The following MMP21 variants were observed in gnomAD, a reference collection of about 807,000 sequenced individuals.
MMP21 encodes matrix metallopeptidase 21, also known as matrix metalloproteinase-21.
A neutral mutation model predicts 47.8 loss-of-function variants in MMP21; 40 were observed. The observed-to-expected ratio is 0.84, with a 90% CI of 0.65 to 1.09. MMP21 has a LOEUF of 1.09. Ranked by LOEUF, MMP21 falls within the 50% of genes least tolerant of loss-of-function variation. The pLI, the probability that MMP21 is intolerant of heterozygous loss-of-function variation, is 0.00. For missense variants in MMP21, 747 were observed against 775.3 expected (o/e 0.96, Z 0.43); for synonymous variants, 341 against 318.0 (o/e 1.07, Z -0.77).
chr10:125,771,054 G>A (rs1429323781), intron 4 of MMP21, among the ~76,000 whole-genome samples: 2 of 151,986 alleles, frequency 1.3e-5, no homozygotes, highest in Non-Finnish European at 2.9e-5. Flanking sequence ...ACAGATTGAG[G>A]TGGTGCGCAG....
At chr10:125,767,497 A>G (rs770602322) in intron 6 of MMP21, 35 bp downstream of exon 6, 1 of 1,590,500 alleles carries the variant, frequency 6.3e-7, no homozygotes, top group Non-Finnish European at 8.6e-7. Context: ...TAGGGATGAC[A>G]GAAGCATTGC....
chr10:125,770,400 T>G lies in MMP21; in HGVS notation c.1171A>C (p.Thr391Pro). 6.2e-7 allele frequency: 1 copy of G among 1,614,226 alleles called. No homozygotes were observed. Among genetic ancestry groups the G allele is most frequent in the South Asian group, 1.1e-5 (1 of 91,084 alleles). ...TGAACAAAGGCATCTATGTTGTGTG[T>G]TGGGATTCCAGGCCAGCCAGTGAGG... ...QILTGWPGIP[T>P]HNIDAFVHIW... Residue 391 changes from threonine (T) to proline (P), a missense_variant, in exon 5 of 7, where the codon ACA (threonine) becomes CCA (proline). Thr to Pro is a conservative substitution (Grantham distance 38). Transcript: ENST00000368808.
chr10:125,775,596 C>CG, intron 1 of MMP21, 64 bp downstream of exon 1: 1 of 1,499,500 alleles, frequency 6.7e-7, no homozygotes, highest in Non-Finnish European at 8.9e-7. Context: ...TGCGCGCGTG[C>CG]GCATGTGCCT....
Position 125,773,285 on chromosome 10 carries a change from G to A in MMP21, c.698-535C>T, listed in dbSNP as rs1850474828. On this transcript the variant is annotated intron_variant, in intron 2 of 6. Coordinates refer to ENST00000368808, the MANE Select transcript of MMP21 (RefSeq NM_147191.1). The surrounding 1 kb of genome is among the most constrained non-coding windows in gnomAD (Gnocchi z 4.8). ...TGCCCTCACCCACTCTCCATTCTGG[G>A]TGCCTTTTTGTGGGTATCCCAGATC... Among the ~76,000 whole-genome samples, 1 of 151,954 alleles carries A rather than the reference G, an allele frequency of 6.6e-6. No individual in the cohort carries two copies. The highest frequency in any genetic ancestry group is 1.5e-5 in the Non-Finnish European group (1 of 67,984).
intron 1 of MMP21, among the ~76,000 whole-genome samples, 156 bp from the exon 2 acceptor site, chr10:125,774,521 TAGA>T (rs1444842958): frequency 1.3e-5 from 2 of 151,800 alleles, no homozygotes; most frequent in African/African-American, 4.8e-5. Context: ...GAGATAGCAA[TAGA>T]AACAGGAAGA....
chr10:125,770,711 A>T, intron 4 of MMP21, 120 bp from the exon 5 acceptor site: 1 of 1,124,618 alleles, frequency 8.9e-7, no homozygotes. Flanking sequence ...AACACCTTAA[A>T]GCAAGACACC....
At chr10:125,769,267 T>C (rs930607741) in intron 5 of MMP21, among the ~76,000 whole-genome samples, 1 of 152,182 alleles carries the variant, frequency 6.6e-6, no homozygotes, top group East Asian at 1.9e-4. Flanking sequence ...GTGTTCCCCA[T>C]GACCCCCCAG....
At chr10:125,771,207 A>C (rs1483090769) in intron 4 of MMP21, among the ~76,000 whole-genome samples, 1 of 152,112 alleles carries the variant, frequency 6.6e-6, no homozygotes, top group African/African-American at 2.4e-5. Flanking sequence ...CCCTAAATAT[A>C]GCTACTGAAT....
At chr10:125,775,045 G>C (rs746901898) in intron 1 of MMP21, among the ~76,000 whole-genome samples, 10 of 152,200 alleles carry the variant, frequency 6.6e-5, no homozygotes, top group Non-Finnish European at 1.2e-4. Flanking sequence ...GTGGGAGCTG[G>C]GGATTGGACT....
Position 125,770,481 on chromosome 10 carries a change from A to G in MMP21, c.1090T>C (p.Tyr364His). The change falls in exon 5 of 7, where the codon TAC (tyrosine) becomes CAC (histidine). Residue 364 changes from tyrosine (Y) to histidine (H), a missense_variant. Coordinates refer to ENST00000368808, the MANE Select transcript of MMP21 (RefSeq NM_147191.1). The part of the protein sequence containing the change: ...FSTYFFRNSW[Y>H]WLYENRNNRT... ...TTGTTTCGATTTTCATAAAGCCAGT[A>G]CCAGCTGTTACGGAAGAAATATGTG... 1 of 1,614,194 alleles carries G rather than the reference A, an allele frequency of 6.2e-7. No homozygotes were observed. Among genetic ancestry groups the G allele is most frequent in the East Asian group, 2.2e-5 (1 of 44,876 alleles).
In MMP21 at chr10:125,770,349, G is replaced by A. The variant is rs150320323; in HGVS notation, c.1222C>T (p.Arg408Cys). ...VHIWTWKRDE[R>C]YFFQGNQYWR... ...GAATCTGTACCTTGAAAAAAATAAC[G>A]TTCATCTCTTTTCCATGTCCAGATG... Residue 408 changes from arginine (R) to cysteine (C), a missense_variant, in exon 5 of 7, where the codon CGT (arginine) becomes TGT (cysteine). Transcript: ENST00000368808. The A allele has an allele frequency of 8.7e-6, 14 of 1,613,852 alleles. No individual in the cohort carries two copies. The highest frequency in any genetic ancestry group is 6.7e-5 in the African/African-American group (5 of 74,892).
At chr10:125,771,759 T>A (rs1850448668) in intron 4 of MMP21, among the ~76,000 whole-genome samples, 1 of 152,174 alleles carries the variant, frequency 6.6e-6, no homozygotes. Context: ...GCCTCGGTAC[T>A]AAATCACTAA....
At position 125,774,120 on chromosome 10, in the gene MMP21, C is replaced by A. The variant is rs918224187; in HGVS notation, c.408G>T (p.Pro136=). The A allele has an allele frequency of 5.0e-5, 65 of 1,308,906 alleles. No individual in the cohort carries two copies. The Admixed American group carries it at 1.9e-3, about 39-fold the overall frequency. 81.1% of individuals were successfully genotyped at this position (1,308,906 alleles called of 1,614,324 possible). The change falls in exon 2 of 7, where the codon CCG becomes CCT. Residue 136 remains proline (P), a synonymous_variant. Coordinates refer to ENST00000368808, the MANE Select transcript of MMP21 (RefSeq NM_147191.1). ...PPSAPPSPPG[P]PPRARSRRSP... Reference sequence around the variant, plus strand: ...AGCGCCTGGAGCGGGCTCTGGGGGGCGGGCCCGGGGGCGAAGGCGGGGCGG... The same window carrying A: ...AGCGCCTGGAGCGGGCTCTGGGGGGAGGGCCCGGGGGCGAAGGCGGGGCGG...
At chr10:125,775,553 C>A in intron 1 of MMP21, 107 bp downstream of exon 1, 1 of 1,404,808 alleles carries the variant, frequency 7.1e-7, no homozygotes, top group South Asian at 1.6e-5. Flanking sequence ...CCCTTCTCTG[C>A]CTCTGCACAG....
intron 5 of MMP21, 75 bp downstream of exon 5, chr10:125,770,259 G>C: frequency 6.8e-7 from 1 of 1,469,802 alleles, no homozygotes; most frequent in Non-Finnish European, 9.4e-7. Context: ...AGATTCCTTG[G>C]TAGGGGCTCA....
intron 1 of MMP21, 60 bp from the exon 2 acceptor site, chr10:125,774,425 C>T (rs1340347321): frequency 6.5e-6 from 8 of 1,225,934 alleles, no homozygotes; most frequent in Non-Finnish European, 7.3e-6. Context: ...CCCGGGCTGC[C>T]CTGCCCCAAA....
Position 125,772,303 on chromosome 10 carries a change from T to C in MMP21, c.894A>G (p.Gly298=), listed in dbSNP as rs750759464. The change falls in exon 4 of 7, where the codon GGA becomes GGG. Residue 298 remains glycine (G), a synonymous_variant. Coordinates refer to ENST00000368808, the MANE Select transcript of MMP21 (RefSeq NM_147191.1). This position sits in a 1 kb window ranked among gnomAD's most constrained non-coding sequence, Gnocchi z 5.6. ...VLGLPHTYRT[G]SIMQPNYIPQ... ...GAATGTAATTTGGTTGCATTATGGA[T>C]CCCGTCCTGTAGGTGTGAGGCAAGC... 6.2e-7 allele frequency: 1 copy of C among 1,614,190 alleles called. No individual in the cohort carries two copies. The highest frequency in any genetic ancestry group is 1.7e-5 in the Admixed American group (1 of 60,026).
intron 1 of MMP21, among the ~76,000 whole-genome samples, chr10:125,775,334 A>G (rs1242810537): frequency 6.6e-6 from 1 of 152,210 alleles, no homozygotes; most frequent in Non-Finnish European, 1.5e-5. Context: ...GCAGCCACAG[A>G]ATGCCTTCGG....
intron 5 of MMP21, among the ~76,000 whole-genome samples, 170 bp from the exon 6 acceptor site, chr10:125,767,874 C>T (rs944270715): frequency 4.6e-5 from 7 of 152,260 alleles, no homozygotes; most frequent in Middle Eastern, 3.4e-3. Flanking sequence ...GCCATTTCCC[C>T]GCGTCTTGAA....
Sources: allele counts gnomAD v4.1 joint callset (sites outside exome capture counted in the v4.1 genomes callset), GRCh38; gene constraint gnomAD v4.1.1; non-coding constraint Gnocchi (gnomAD v3.1); transcripts MANE v1.5; gene names NCBI Gene and HGNC (gene_info 2026-07-23, HGNC 2026-07-21).